Variants in ADARB2 observed in about 807,000 individuals in gnomAD.
ADARB2 encodes the protein inactive double-stranded RNA-specific editase B2.
ADARB2 carries 25 observed loss-of-function variants against 62.2 expected under a neutral mutation model. That is an observed-to-expected ratio of 0.40 (90% CI 0.29 to 0.56). The LOEUF (loss-of-function observed/expected upper bound fraction) is 0.56. Ranked by LOEUF, ADARB2 falls within the 20% of genes least tolerant of loss-of-function variation. ADARB2 has a pLI of 0.43. For missense variants in ADARB2, 1,071 were observed against 1,077.4 expected (o/e 0.99, Z 0.08); for synonymous variants, 572 against 500.8 (o/e 1.14, Z -1.90).
chr10:1,390,550 A>G (rs567329192), intron 1 of ADARB2, among the ~76,000 whole-genome samples: 70 of 152,366 alleles, frequency 4.6e-4, no homozygotes, highest in Non-Finnish European at 6.6e-4. Flanking sequence ...GAATCTATAA[A>G]GAAGAAAATT....
At chr10:1,581,845 T>C (rs1833105863) in intron 1 of ADARB2, among the ~76,000 whole-genome samples, 1 of 151,556 alleles carries the variant, frequency 6.6e-6, no homozygotes, top group African/African-American at 2.4e-5. Context: ...TGTGTGTGTG[T>C]GTGTGTGTGT....
intron 1 of ADARB2, among the ~76,000 whole-genome samples, chr10:1,730,606 C>G (rs1213024434): frequency 6.6e-6 from 1 of 151,418 alleles, no homozygotes; most frequent in Non-Finnish European, 1.5e-5. Flanking sequence ...TCCTTAAAAT[C>G]TAAGTCACCT....
At chr10:1,206,922 C>T (rs543269006) in intron 7 of ADARB2, among the ~76,000 whole-genome samples, 6 of 152,324 alleles carry the variant, frequency 3.9e-5, no homozygotes, top group South Asian at 2.1e-4. Context: ...GAGCTGTGGC[C>T]GAGGTCGGTG....
At chr10:1,424,136 G>A (rs547726194) in intron 1 of ADARB2, among the ~76,000 whole-genome samples, 16 of 152,338 alleles carry the variant, frequency 1.1e-4, no homozygotes, top group East Asian at 5.8e-4. Flanking sequence ...GGTCTACTAC[G>A]TATACAGTGG....
At chr10:1,462,933 G>C (rs1432559892) in intron 1 of ADARB2, among the ~76,000 whole-genome samples, 1 of 141,166 alleles carries the variant, frequency 7.1e-6, no homozygotes, top group Non-Finnish European at 1.5e-5. Flanking sequence ...CTGATAAATA[G>C]AAATGTTATT....
intron 1 of ADARB2, among the ~76,000 whole-genome samples, chr10:1,483,959 A>C (rs962223869): frequency 4.6e-5 from 7 of 152,158 alleles, no homozygotes; most frequent in Non-Finnish European, 1.0e-4. Flanking sequence ...TCAGCATCTC[A>C]TTTATTAACA....
At chr10:1,240,703 C>T (rs1830911388) in intron 5 of ADARB2, among the ~76,000 whole-genome samples, 1 of 152,188 alleles carries the variant, frequency 6.6e-6, no homozygotes, top group African/African-American at 2.4e-5. Context: ...GTCGGGTGCA[C>T]CTGTCTGTGG....
At chr10:1,361,513 A>C (rs1319695452) in intron 3 of ADARB2, 1 of 152,212 alleles carries the variant, frequency 6.6e-6, no homozygotes, top group Non-Finnish European at 1.5e-5. Flanking sequence ...TGACCACCGG[A>C]TGTTCCACAA....
intron 1 of ADARB2, among the ~76,000 whole-genome samples, chr10:1,386,881 T>C (rs1427618895): frequency 6.6e-6 from 1 of 151,916 alleles, no homozygotes; most frequent in African/African-American, 2.4e-5. Flanking sequence ...AAAAAAGGTC[T>C]CAATAAATTT....
chr10:1,637,819 T>C (rs1833934193), intron 1 of ADARB2, among the ~76,000 whole-genome samples: 1 of 152,174 alleles, frequency 6.6e-6, no homozygotes, highest in Non-Finnish European at 1.5e-5. Context: ...CTCCTACTGC[T>C]CCGGGCTGCC....
chr10:1,522,613 G>C (rs1260169964), intron 1 of ADARB2, among the ~76,000 whole-genome samples: 2 of 152,146 alleles, frequency 1.3e-5, no homozygotes, highest in Non-Finnish European at 2.9e-5. Context: ...TGTGTCAGGT[G>C]GTCCAGTATG....
intron 1 of ADARB2, among the ~76,000 whole-genome samples, chr10:1,392,358 GT>G (rs769784028): frequency 2.6e-5 from 4 of 152,114 alleles, no homozygotes; most frequent in Admixed American, 6.5e-5. Context: ...TCCTTCTCAT[GT>G]TTTCCTTTTG....
intron 1 of ADARB2, among the ~76,000 whole-genome samples, chr10:1,724,879 C>G (rs1835143993): frequency 6.6e-6 from 1 of 152,206 alleles, no homozygotes. Flanking sequence ...TTGCTCTAAC[C>G]TCTCCACGCC....
At chr10:1,591,971 C>T (rs572336167) in intron 1 of ADARB2, among the ~76,000 whole-genome samples, 16 of 152,352 alleles carry the variant, frequency 1.1e-4, no homozygotes, top group African/African-American at 3.1e-4. Flanking sequence ...CTGTGGACAG[C>T]GGCTCTCAGG....
At chr10:1,345,786 T>C (rs1005393514) in intron 3 of ADARB2, among the ~76,000 whole-genome samples, 3 of 152,240 alleles carry the variant, frequency 2.0e-5, no homozygotes, top group African/African-American at 7.2e-5. Context: ...TTTCTTGGCA[T>C]TGAAATCCAG....
At chr10:1,311,635 C>G (rs1831691991) in intron 3 of ADARB2, among the ~76,000 whole-genome samples, 1 of 152,170 alleles carries the variant, frequency 6.6e-6, no homozygotes, top group South Asian at 2.1e-4. Flanking sequence ...GATGAAGACC[C>G]TGAGTGAGGA....
At chr10:1,262,142 T>G (rs1589168865) in intron 4 of ADARB2, among the ~76,000 whole-genome samples, 1 of 61,790 alleles carries the variant, frequency 1.6e-5, no homozygotes, top group Non-Finnish European at 2.8e-5. Flanking sequence ...GGGACTGTGG[T>G]GGGGTGGGGG....
At chr10:1,517,486 A>G (rs1262284061) in intron 1 of ADARB2, among the ~76,000 whole-genome samples, 3 of 152,206 alleles carry the variant, frequency 2.0e-5, no homozygotes, top group Admixed American at 6.5e-5. Flanking sequence ...AGCTCTTGAT[A>G]TGGCTGGGAA....
chr10:1,253,660 CTG>C (rs559948280), intron 4 of ADARB2, among the ~76,000 whole-genome samples: 163 of 152,312 alleles, frequency 1.1e-3, no homozygotes, highest in African/African-American at 3.8e-3. Context: ...AGAGCAGAAA[CTG>C]TCTGTGGTTG....
Sources: gnomAD v4.1 joint callset for allele counts (sites outside exome capture counted in the v4.1 genomes callset) on GRCh38, gnomAD v4.1.1 for gene constraint, MANE v1.5 for transcripts, NCBI Gene and HGNC (gene_info 2026-07-23, HGNC 2026-07-21) for gene names.